The following SEPTIN14 variants were observed in gnomAD, a reference collection of about 807,000 sequenced individuals.
The protein encoded by SEPTIN14 is septin-14.
In SEPTIN14, 40 loss-of-function variants were observed where a neutral mutation model predicts 53.6. The observed-to-expected ratio is 0.75, with a 90% CI of 0.58 to 0.97. The LOEUF is 0.97. SEPTIN14 is among the 50% of genes least tolerant of loss of function. The probability of loss-of-function intolerance (pLI) is 0.00; values close to 1 mark genes in which losing one functional copy is unlikely to be tolerated. For synonymous variants in SEPTIN14, 138 were observed against 166.8 expected (o/e 0.83, Z 1.33); for missense variants, 471 against 508.2 (o/e 0.93, Z 0.70).
chr7:55,817,029 A>G (rs1788804309), intron 7 of SEPTIN14, among the ~76,000 whole-genome samples: 2 of 152,158 alleles, frequency 1.3e-5, no homozygotes, highest in African/African-American at 4.8e-5. Context: ...TGGATACATT[A>G]CCTCCCAAAA....
rs1468149779 is a variant in SEPTIN14 at position 55,795,918 on chromosome 7, T to G, written c.1294A>C (p.Lys432Gln). The G allele has an allele frequency of 1.3e-6, 2 of 1,591,274 alleles. No individual in the cohort carries two copies. The highest frequency in any genetic ancestry group is 1.7e-6 in the Non-Finnish European group (2 of 1,175,382). ...CAGAATAGTAAGAGAAACTATTATTTCTTACGATGTTTGTCTTTCTTTGTA... is the reference window on the plus strand; with the variant it reads ...CAGAATAGTAAGAGAAACTATTATTGCTTACGATGTTTGTCTTTCTTTGTA... The part of the protein sequence containing the change: ...TDTKKDKHRK[K>Q] The change falls in exon 10 of 10, where the codon AAA becomes CAA. Residue 432 changes from lysine to glutamine, a missense_variant. Physicochemically the swap from Lys to Gln is moderately conservative, Grantham distance 53 (BLOSUM62 1). Transcript: ENST00000388975.
At chr7:55,823,738 C>A (rs972808556) in intron 6 of SEPTIN14, among the ~76,000 whole-genome samples, 3 of 152,238 alleles carry the variant, frequency 2.0e-5, no homozygotes, top group Admixed American at 1.3e-4. Context: ...CTTCAGCATA[C>A]AGCCTAAGAA....
intron 6 of SEPTIN14, among the ~76,000 whole-genome samples, chr7:55,830,808 A>G (rs571854283): frequency 6.6e-6 from 1 of 152,296 alleles, no homozygotes; most frequent in African/African-American, 2.4e-5. Flanking sequence ...ATAACAAGTA[A>G]TGAAATTGAC....
intron 8 of SEPTIN14, among the ~76,000 whole-genome samples, chr7:55,806,469 C>CT (rs111518957): frequency 0.45 from 63,857 of 142,612 alleles, 15,997 homozygotes; most frequent in African/African-American, 0.71. Context: ...CTTTTTTTTT[C>CT]TTTTTTTTTT....
intron 5 of SEPTIN14, among the ~76,000 whole-genome samples, chr7:55,839,827 T>C (rs954027138): frequency 1.3e-5 from 2 of 152,108 alleles, no homozygotes; most frequent in East Asian, 1.9e-4. Context: ...TCAACTGAGA[T>C]AAAGCCTTCA....
At chr7:55,818,789 T>A (rs1788839953) in intron 7 of SEPTIN14, among the ~76,000 whole-genome samples, 1 of 152,208 alleles carries the variant, frequency 6.6e-6, no homozygotes, top group African/African-American at 2.4e-5. Flanking sequence ...TCCATTTTGT[T>A]GAAAGTGCTT....
chr7:55,802,901 T>C (rs1325073845), intron 9 of SEPTIN14, among the ~76,000 whole-genome samples: 3 of 151,502 alleles, frequency 2.0e-5, no homozygotes, highest in East Asian at 3.9e-4. Flanking sequence ...AATTCAATAG[T>C]ATGAAAACCT....
chr7:55,814,876 TACCTG>T (rs1263876881), intron 7 of SEPTIN14, among the ~76,000 whole-genome samples: 2 of 152,204 alleles, frequency 1.3e-5, no homozygotes, highest in East Asian at 1.9e-4. Context: ...GGAATCGCAT[TACCTG>T]ACTTCGAATT....
chr7:55,796,241 T>TA (rs1788430256), intron 9 of SEPTIN14, 149 bp from the exon 10 acceptor site: 4 of 625,306 alleles, frequency 6.4e-6, no homozygotes, highest in Non-Finnish European at 1.1e-5. Context: ...GAGTAAACAC[T>TA]GAGATATGGA....
intron 2 of SEPTIN14, among the ~76,000 whole-genome samples, chr7:55,858,396 C>T (rs1426256323): frequency 6.6e-6 from 1 of 152,188 alleles, no homozygotes; most frequent in Non-Finnish European, 1.5e-5. Context: ...CATACTCTTT[C>T]TGAGGCATAG....
At position 55,807,110 on chromosome 7, in the gene SEPTIN14, A is replaced by C; in HGVS notation, c.966T>G (p.Gly322=). 6.3e-7 allele frequency: 1 copy of C among 1,596,758 alleles called. No homozygotes were observed. The highest frequency in any genetic ancestry group is 8.5e-7 in the Non-Finnish European group (1 of 1,175,110). The change falls in exon 8 of 10, where the codon GGT becomes GGG. Residue 322 remains glycine, a synonymous_variant. Coordinates refer to ENST00000388975, the MANE Select transcript of SEPTIN14 (RefSeq NM_207366.3). ...KLQKMGFTDV[G]PNNQPVSFQE... is the part of the protein sequence containing the mutation. Reference sequence around the variant, plus strand: ...CTCACCTAACTGGCTGGTTGTTTGGACCCACATCTGTAAAGCCCATTTTCT... The same window carrying C: ...CTCACCTAACTGGCTGGTTGTTTGGCCCCACATCTGTAAAGCCCATTTTCT...
intron 6 of SEPTIN14, among the ~76,000 whole-genome samples, chr7:55,830,340 T>C (rs1469197009): frequency 5.3e-5 from 2 of 37,658 alleles, no homozygotes; most frequent in African/African-American, 3.2e-4. Flanking sequence ...TATATATATA[T>C]ATATATATAT....
chr7:55,832,342 A>G (rs143449421), intron 6 of SEPTIN14, among the ~76,000 whole-genome samples: 1 of 152,322 alleles, frequency 6.6e-6, no homozygotes, highest in African/African-American at 2.4e-5. Context: ...TATGAAAAAC[A>G]GCATAGAGAT....
intron 5 of SEPTIN14, among the ~76,000 whole-genome samples, chr7:55,841,594 G>A (rs1185498469): frequency 3.9e-5 from 6 of 152,054 alleles, no homozygotes; most frequent in South Asian, 2.1e-4. Context: ...AGTGGCTCAC[G>A]CCTGTAATCT....
At chr7:55,834,363 C>T in intron 6 of SEPTIN14, 62 bp downstream of exon 6, 3 of 1,277,708 alleles carry the variant, frequency 2.3e-6, no homozygotes, top group Non-Finnish European at 3.2e-6. Flanking sequence ...AAAATTCTCA[C>T]ACTGGATTCT....
chr7:55,815,370 A>G (rs756258290), intron 7 of SEPTIN14, among the ~76,000 whole-genome samples: 213 of 152,352 alleles, frequency 1.4e-3, no homozygotes, highest in Middle Eastern at 3.4e-3. Flanking sequence ...CAAACTATTT[A>G]TCTGACAAAA....
intron 7 of SEPTIN14, among the ~76,000 whole-genome samples, 187 bp downstream of exon 7, chr7:55,818,940 T>C (rs1788842860): frequency 2.6e-5 from 4 of 152,346 alleles, no homozygotes; most frequent in Middle Eastern, 3.4e-3. Flanking sequence ...TCTATGAGAA[T>C]GAATCATAGT....
chr7:55,841,785 G>A (rs1584268229), intron 5 of SEPTIN14, among the ~76,000 whole-genome samples: 3 of 151,452 alleles, frequency 2.0e-5, no homozygotes, highest in Admixed American at 6.6e-5. Flanking sequence ...AACCCAGGAG[G>A]TGGAGGTTGC....
At chr7:55,813,318 G>C (rs989770601) in intron 7 of SEPTIN14, among the ~76,000 whole-genome samples, 3 of 152,136 alleles carry the variant, frequency 2.0e-5, no homozygotes, top group Admixed American at 1.3e-4. Context: ...AGGAACTTAA[G>C]TTCCAGCTAC....
Sources: gnomAD v4.1 joint callset for allele counts (sites outside exome capture counted in the v4.1 genomes callset) on GRCh38, gnomAD v4.1.1 for gene constraint, MANE v1.5 for transcripts, NCBI Gene and HGNC (gene_info 2026-07-23, HGNC 2026-07-21) for gene names.